The following PEBP4 variants were observed in gnomAD, a reference collection of about 807,000 sequenced individuals.
PEBP4 encodes the protein phosphatidylethanolamine-binding protein 4.
A neutral mutation model predicts 23.9 loss-of-function variants in PEBP4; 22 were observed. The ratio of observed to expected loss-of-function variants is 0.92; its 90% CI spans 0.66 to 1.31. PEBP4 has a LOEUF of 1.31. Among genes scored for constraint, PEBP4 ranks in the 40% most tolerant of loss-of-function variants. The pLI is 0.00. For synonymous variants in PEBP4, 112 were observed against 99.3 expected (o/e 1.13, Z -0.76); for missense variants, 324 against 281.7 (o/e 1.15, Z -1.07).
At chr8:22,883,821 T>TA (rs1808314099) in intron 3 of PEBP4, 1 of 152,208 alleles carries the variant, frequency 6.6e-6, no homozygotes, top group African/African-American at 2.4e-5. Flanking sequence ...TTGAATCATT[T>TA]TGTCTTATAT....
At chr8:22,740,948 C>T (rs1804977124) in intron 4 of PEBP4, among the ~76,000 whole-genome samples, 1 of 152,146 alleles carries the variant, frequency 6.6e-6, no homozygotes, top group Admixed American at 6.5e-5. Context: ...CTCCTTTCCC[C>T]CAGATCATGC....
intron 3 of PEBP4, among the ~76,000 whole-genome samples, chr8:22,855,124 C>T (rs1033206152): frequency 3.3e-5 from 5 of 151,546 alleles, no homozygotes; most frequent in Non-Finnish European, 7.3e-5. Flanking sequence ...ACCAGTCTTA[C>T]AGTCAGTGTT....
At chr8:22,883,362 C>A (rs1808303750) in intron 3 of PEBP4, among the ~76,000 whole-genome samples, 1 of 152,252 alleles carries the variant, frequency 6.6e-6, no homozygotes. Context: ...TTGCATCACC[C>A]ATTAACACAC....
intron 4 of PEBP4, among the ~76,000 whole-genome samples, chr8:22,751,308 C>G (rs995105348): frequency 6.6e-5 from 10 of 152,140 alleles, no homozygotes; most frequent in Non-Finnish European, 1.5e-4. Context: ...CCCGTGAGCT[C>G]TAGGGCTCCC....
intron 4 of PEBP4, among the ~76,000 whole-genome samples, chr8:22,759,315 C>T (rs917392823): frequency 1.3e-5 from 2 of 151,594 alleles, no homozygotes; most frequent in African/African-American, 4.9e-5. Context: ...CTCTTGAGTC[C>T]TGGCTTCTTG....
At chr8:22,938,904 T>C (rs1443353832) in intron 1 of PEBP4, among the ~76,000 whole-genome samples, 4 of 152,208 alleles carry the variant, frequency 2.6e-5, no homozygotes, top group Non-Finnish European at 2.9e-5. Flanking sequence ...AGCACGCACA[T>C]ATAAAAACCG....
At chr8:22,821,946 T>C (rs982530948) in intron 3 of PEBP4, among the ~76,000 whole-genome samples, 21 of 147,218 alleles carry the variant, frequency 1.4e-4, no homozygotes, top group African/African-American at 4.8e-4. Flanking sequence ...GATCGCGCCA[T>C]TGCACTCCAG....
intron 3 of PEBP4, among the ~76,000 whole-genome samples, chr8:22,912,677 CTT>C (rs1332152220): frequency 6.6e-6 from 1 of 152,234 alleles, no homozygotes; most frequent in Non-Finnish European, 1.5e-5. Flanking sequence ...TAGGAAGTGT[CTT>C]TGCAACCTGA....
chr8:22,770,040 A>G (rs759222874), intron 4 of PEBP4, among the ~76,000 whole-genome samples: 4 of 152,054 alleles, frequency 2.6e-5, no homozygotes, highest in Non-Finnish European at 5.9e-5. Flanking sequence ...TAACCTTCTC[A>G]AACTCTGCCT....
At chr8:22,782,312 CAG>C (rs1242172762) in intron 4 of PEBP4, among the ~76,000 whole-genome samples, 2 of 152,172 alleles carry the variant, frequency 1.3e-5, no homozygotes, top group African/African-American at 4.8e-5. Flanking sequence ...GCTATAAAAA[CAG>C]AGTAGTGCAA....
At chr8:22,723,923 C>T (rs1804570305) in intron 6 of PEBP4, among the ~76,000 whole-genome samples, 1 of 152,178 alleles carries the variant, frequency 6.6e-6, no homozygotes, top group African/African-American at 2.4e-5. Flanking sequence ...CCTGTGCCAG[C>T]TTCCTAGTGG....
intron 4 of PEBP4, among the ~76,000 whole-genome samples, chr8:22,751,584 G>C (rs913855857): frequency 4.5e-5 from 6 of 132,148 alleles, no homozygotes; most frequent in Admixed American, 3.2e-4. Context: ...AAGGAGGAGT[G>C]TGTCTGTGTG....
At chr8:22,928,082 G>T (rs1809390587), upstream of PEBP4, among the ~76,000 whole-genome samples, 1 of 152,258 alleles carries the variant, frequency 6.6e-6, no homozygotes, top group South Asian at 2.1e-4. Context: ...AGTCCCTGCT[G>T]TTGGCCCAGG....
At chr8:22,723,978 G>C (rs904923676) in intron 6 of PEBP4, among the ~76,000 whole-genome samples, 1 of 152,226 alleles carries the variant, frequency 6.6e-6, no homozygotes, top group African/African-American at 2.4e-5. Context: ...AATGGCTGAC[G>C]ACACCCACCC....
At chr8:22,935,296 G>A (rs1258098915) in intron 1 of PEBP4, among the ~76,000 whole-genome samples, 2 of 152,004 alleles carry the variant, frequency 1.3e-5, no homozygotes, top group Non-Finnish European at 2.9e-5. Context: ...CGAGGTGGGT[G>A]GATCACTTGA....
At chr8:22,738,973 A>G (rs1217107098) in intron 4 of PEBP4, among the ~76,000 whole-genome samples, 5 of 152,214 alleles carry the variant, frequency 3.3e-5, no homozygotes, top group Middle Eastern at 3.4e-3. Context: ...GCATTTGGGA[A>G]GGGGTTGGTG....
rs923572545 is a variant in PEBP4 at position 22,915,596 on chromosome 8, G to T, written c.258+4588C>A. ...CATGGTGCCTGATGCAATGTGTTCA[G>T]TAATATTTACGAAGTGAGTCACCGC... On this transcript the variant is annotated intron_variant, in intron 3 of 6. Coordinates refer to ENST00000256404, the MANE Select transcript of PEBP4 (RefSeq NM_144962.3). Among the ~76,000 whole-genome samples, 6 of 152,232 alleles carry T rather than the reference G, an allele frequency of 3.9e-5. No homozygotes were observed. The East Asian group carries it at 1.2e-3, about 29-fold the overall frequency.
At chr8:22,809,427 GC>G (rs1399572949) in intron 4 of PEBP4, among the ~76,000 whole-genome samples, 3 of 152,124 alleles carry the variant, frequency 2.0e-5, no homozygotes, top group Non-Finnish European at 4.4e-5. Flanking sequence ...CCACCTCTGA[GC>G]CCCCACACAT....
chr8:22,778,306 T>C (rs901357353), intron 4 of PEBP4, among the ~76,000 whole-genome samples: 2 of 152,018 alleles, frequency 1.3e-5, no homozygotes, highest in Non-Finnish European at 2.9e-5. Flanking sequence ...TGTGCTTCCA[T>C]GTGAGACTGG....
Sources: allele counts gnomAD v4.1 joint callset (sites outside exome capture counted in the v4.1 genomes callset), GRCh38; gene constraint gnomAD v4.1.1; transcripts MANE v1.5; gene names NCBI Gene and HGNC (gene_info 2026-07-23, HGNC 2026-07-21).